The following ARK2C variants were observed in gnomAD, a reference collection of about 807,000 sequenced individuals.
The protein encoded by ARK2C is arkadia (RNF111) C-terminal like ring finger ubiquitin ligase 2C, also known as E3 ubiquitin-protein ligase ARK2C.
the ARK2C span, among the ~76,000 whole-genome samples, chr18:46,380,641 A>T: frequency 6.6e-6 from 1 of 152,106 alleles, no homozygotes; most frequent in Non-Finnish European, 1.5e-5. Flanking sequence ...ATCTCCTATG[A>T]CTGGGAGCTG....
At chr18:46,392,014 C>A in the ARK2C span, among the ~76,000 whole-genome samples, 5 of 151,800 alleles carry the variant, frequency 3.3e-5, no homozygotes, top group East Asian at 7.8e-4. Flanking sequence ...ATGCACACAA[C>A]ACACACACCT....
chr18:46,348,439 C>T, the ARK2C span, among the ~76,000 whole-genome samples: 1 of 152,134 alleles, frequency 6.6e-6, no homozygotes, highest in African/African-American at 2.4e-5. Flanking sequence ...CTCTGTGTGT[C>T]CTGAGCTAAG....
At chr18:46,399,917 A>C in the ARK2C span, among the ~76,000 whole-genome samples, 1 of 152,158 alleles carries the variant, frequency 6.6e-6, no homozygotes, top group Non-Finnish European at 1.5e-5. Flanking sequence ...TTTCCAAAGC[A>C]CTTCAGTGTG....
the ARK2C span, among the ~76,000 whole-genome samples, chr18:46,404,541 G>A: frequency 6.6e-6 from 1 of 152,120 alleles, no homozygotes; most frequent in Non-Finnish European, 1.5e-5. Flanking sequence ...ATTATGTGAG[G>A]TCGGGAGGTC....
chr18:46,345,441 G>A, the ARK2C span, among the ~76,000 whole-genome samples: 2 of 152,188 alleles, frequency 1.3e-5, no homozygotes, highest in Admixed American at 6.5e-5. Context: ...GAGAGGTGGT[G>A]GGAAGGAGGA....
At chr18:46,425,997 G>A in the ARK2C span, among the ~76,000 whole-genome samples, 1 of 152,072 alleles carries the variant, frequency 6.6e-6, no homozygotes, top group African/African-American at 2.4e-5. Flanking sequence ...CCGGCTCTTT[G>A]GGGCCTCTTT....
At chr18:46,397,550 G>A in the ARK2C span, among the ~76,000 whole-genome samples, 71 of 99,684 alleles carry the variant, frequency 7.1e-4, no homozygotes, top group African/African-American at 3.0e-3. Flanking sequence ...GGTCATGCTG[G>A]GGTGTGAGGG....
At chr18:46,364,904 A>G in the ARK2C span, among the ~76,000 whole-genome samples, 203 of 152,280 alleles carry the variant, frequency 1.3e-3, 2 homozygotes, top group African/African-American at 4.6e-3. Flanking sequence ...ACTTCAGGGT[A>G]GAAAACAGCC....
the ARK2C span, among the ~76,000 whole-genome samples, chr18:46,428,833 A>G: frequency 1.3e-5 from 2 of 152,282 alleles, no homozygotes; most frequent in African/African-American, 4.8e-5. Flanking sequence ...GGTGACTACT[A>G]GGAAATGTAA....
At chr18:46,394,412 A>T in the ARK2C span, among the ~76,000 whole-genome samples, 1 of 152,154 alleles carries the variant, frequency 6.6e-6, no homozygotes, top group Admixed American at 6.5e-5. Flanking sequence ...GAGATGACAC[A>T]GCTCTCCCTC....
chr18:46,363,003 G>A, the ARK2C span, among the ~76,000 whole-genome samples: 205 of 152,330 alleles, frequency 1.3e-3, 1 homozygote, highest in African/African-American at 4.6e-3. Flanking sequence ...AAAGTGTAGA[G>A]TTAAAACCAG....
the ARK2C span, among the ~76,000 whole-genome samples, chr18:46,400,991 C>A: frequency 6.6e-6 from 1 of 152,184 alleles, no homozygotes; most frequent in Non-Finnish European, 1.5e-5. Flanking sequence ...GAGATGACCT[C>A]CCGCAAAGCT....
chr18:46,384,849 T>C, the ARK2C span, among the ~76,000 whole-genome samples: 3 of 152,102 alleles, frequency 2.0e-5, no homozygotes, highest in African/African-American at 7.2e-5. Flanking sequence ...AGACCCTGTC[T>C]CTACAAAAAT....
chr18:46,384,592 C>A, the ARK2C span, among the ~76,000 whole-genome samples: 3 of 152,192 alleles, frequency 2.0e-5, no homozygotes. Flanking sequence ...CTCCCATATA[C>A]CCAAACCTAC....
chr18:46,407,988 C>A, the ARK2C span, among the ~76,000 whole-genome samples: 1 of 152,174 alleles, frequency 6.6e-6, no homozygotes, highest in Admixed American at 6.5e-5. Flanking sequence ...GGCATAGCAG[C>A]TGAGCTTTGA....
At chr18:46,423,247 CT>C in the ARK2C span, among the ~76,000 whole-genome samples, 1 of 152,224 alleles carries the variant, frequency 6.6e-6, no homozygotes, top group Non-Finnish European at 1.5e-5. Context: ...AGAGGCAGGG[CT>C]TGTCCTTGGC....
the ARK2C span, among the ~76,000 whole-genome samples, chr18:46,377,537 C>T: frequency 6.6e-5 from 10 of 151,902 alleles, no homozygotes; most frequent in Admixed American, 5.9e-4. Flanking sequence ...GGAGATGTGA[C>T]CTGAAGGGCA....
chr18:46,362,786 C>T, the ARK2C span, among the ~76,000 whole-genome samples: 4 of 152,250 alleles, frequency 2.6e-5, no homozygotes, highest in African/African-American at 9.6e-5. Flanking sequence ...GCACTTCCCT[C>T]TAGTCCTCTT....
the ARK2C span, among the ~76,000 whole-genome samples, chr18:46,401,570 A>G: frequency 2.6e-5 from 4 of 152,146 alleles, no homozygotes; most frequent in Non-Finnish European, 5.9e-5. Context: ...CCAAGACTGC[A>G]CCTGGGTCAC....
Sources: gnomAD v4.1 joint callset for allele counts (sites outside exome capture counted in the v4.1 genomes callset) on GRCh38, gnomAD v4.1.1 for gene constraint, MANE v1.5 for transcripts, NCBI Gene and HGNC (gene_info 2026-07-23, HGNC 2026-07-21) for gene names.